FTCDNL1: variants seen among roughly 807,000 people sequenced by gnomAD.
FTCDNL1 encodes formiminotransferase N-terminal subdomain-containing protein.
FTCDNL1 carries 11 observed loss-of-function variants against 5.9 expected under a neutral mutation model. That is an observed-to-expected ratio of 1.87 (90% CI 1.18 to 3.10). The LOEUF (loss-of-function observed/expected upper bound fraction) is 3.10, where lower values mean the gene tolerates loss of function less well. Among genes scored for constraint, FTCDNL1 ranks in the 30% most tolerant of loss-of-function variants. The pLI is 0.00. For synonymous variants in FTCDNL1, 58 were observed against 24.8 expected (o/e 2.34, Z -3.99); for missense variants, 115 against 65.5 (o/e 1.76, Z -2.61).
At chr2:199,671,215 G>A in the FTCDNL1 span, among the ~76,000 whole-genome samples, 1 of 151,406 alleles carries the variant, frequency 6.6e-6, no homozygotes, top group African/African-American at 2.4e-5. Context: ...CCTAGTGAAT[G>A]AAGTCAGAAA....
the FTCDNL1 span, among the ~76,000 whole-genome samples, chr2:199,728,859 G>A: frequency 1.1e-4 from 16 of 152,290 alleles, no homozygotes; most frequent in East Asian, 2.9e-3. Flanking sequence ...GAACATCAGG[G>A]CATGATTGAT....
chr2:199,721,033 C>A, the FTCDNL1 span, among the ~76,000 whole-genome samples: 1 of 152,146 alleles, frequency 6.6e-6, no homozygotes, highest in Non-Finnish European at 1.5e-5. Context: ...CAGAGTGGGG[C>A]AAGAGAAAAG....
chr2:199,798,633 C>T (rs534020390), intron 3 of FTCDNL1, among the ~76,000 whole-genome samples: 36 of 152,234 alleles, frequency 2.4e-4, no homozygotes, highest in Admixed American at 3.9e-4. Flanking sequence ...ACCACGTGAG[C>T]GGCACAGAGA....
At chr2:199,681,995 C>T in the FTCDNL1 span, among the ~76,000 whole-genome samples, 1 of 151,990 alleles carries the variant, frequency 6.6e-6, no homozygotes, top group African/African-American at 2.4e-5. Flanking sequence ...AAGCAACACT[C>T]TTTCCAAATG....
chr2:199,803,191 C>CAAAAAAA (rs71403491), intron 3 of FTCDNL1, among the ~76,000 whole-genome samples: 2 of 70,636 alleles, frequency 2.8e-5, no homozygotes, highest in African/African-American at 6.0e-5. Flanking sequence ...AATACCGTCT[C>CAAAAAAA]AAAAAAAAAA....
At chr2:199,731,712 C>T in the FTCDNL1 span, among the ~76,000 whole-genome samples, 2 of 152,056 alleles carry the variant, frequency 1.3e-5, no homozygotes, top group South Asian at 2.1e-4. Flanking sequence ...AACGGTGAAA[C>T]CCCGTCTCTA....
At chr2:199,827,987 G>A (rs551307668) in intron 3 of FTCDNL1, among the ~76,000 whole-genome samples, 6 of 152,176 alleles carry the variant, frequency 3.9e-5, no homozygotes, top group South Asian at 4.1e-4. Context: ...CATTATTCTC[G>A]TTACAATGAA....
chr2:199,724,070 T>C, the FTCDNL1 span, among the ~76,000 whole-genome samples: 1 of 152,210 alleles, frequency 6.6e-6, no homozygotes, highest in African/African-American at 2.4e-5. Flanking sequence ...GAACTCATTA[T>C]TGGTCTATTC....
the FTCDNL1 span, among the ~76,000 whole-genome samples, chr2:199,725,961 A>G: frequency 3.3e-5 from 5 of 152,168 alleles, no homozygotes; most frequent in African/African-American, 1.2e-4. Context: ...GTGCTCCTGG[A>G]TGATATCCTG....
intron 3 of FTCDNL1, among the ~76,000 whole-genome samples, chr2:199,837,808 C>A (rs1702858298): frequency 6.6e-6 from 1 of 152,184 alleles, no homozygotes; most frequent in Admixed American, 6.5e-5. Context: ...TAGCATTTAT[C>A]TTTCCAGTTC....
chr2:199,728,559 T>C, the FTCDNL1 span, among the ~76,000 whole-genome samples: 1 of 152,162 alleles, frequency 6.6e-6, no homozygotes, highest in Non-Finnish European at 1.5e-5. Context: ...GGTAACAATG[T>C]TTCTAAGGGA....
At chr2:199,714,397 T>C in the FTCDNL1 span, among the ~76,000 whole-genome samples, 16 of 152,104 alleles carry the variant, frequency 1.1e-4, no homozygotes, top group Non-Finnish European at 1.9e-4. Flanking sequence ...CAGTCATGAA[T>C]AAAATATTAA....
At chr2:199,714,604 C>T in the FTCDNL1 span, among the ~76,000 whole-genome samples, 7 of 152,028 alleles carry the variant, frequency 4.6e-5, no homozygotes, top group Admixed American at 2.6e-4. Context: ...TCCTTCTTTC[C>T]AAATGGATGT....
At chr2:199,672,772 C>A in the FTCDNL1 span, among the ~76,000 whole-genome samples, 10,795 of 151,922 alleles carry the variant, frequency 0.071, 1,300 homozygotes, top group African/African-American at 0.25. Context: ...AACATAGCAG[C>A]CTGAGCCCCA....
At chr2:199,695,788 G>A in the FTCDNL1 span, among the ~76,000 whole-genome samples, 113 of 152,340 alleles carry the variant, frequency 7.4e-4, no homozygotes, top group African/African-American at 2.5e-3. Flanking sequence ...GAGTGCAGAA[G>A]GTTTGGTGCA....
chr2:199,728,089 G>T, the FTCDNL1 span, among the ~76,000 whole-genome samples: 537 of 152,090 alleles, frequency 3.5e-3, 3 homozygotes, highest in African/African-American at 0.012. Flanking sequence ...TTCCTTTTAG[G>T]GACAGTTCTC....
At chr2:199,814,059 G>A (rs1172307396) in intron 4 of FTCDNL1, among the ~76,000 whole-genome samples, 1 of 151,994 alleles carries the variant, frequency 6.6e-6, no homozygotes, top group Non-Finnish European at 1.5e-5. Flanking sequence ...CTTTGCTTCA[G>A]AGTAACAAAC....
chr2:199,697,900 G>T, the FTCDNL1 span, among the ~76,000 whole-genome samples: 1 of 152,118 alleles, frequency 6.6e-6, no homozygotes, highest in Non-Finnish European at 1.5e-5. Flanking sequence ...CACATTCAAT[G>T]ACACCCAAAG....
chr2:199,849,461 A>G (rs1352669099), intron 1 of FTCDNL1, among the ~76,000 whole-genome samples: 1 of 152,250 alleles, frequency 6.6e-6, no homozygotes, highest in Non-Finnish European at 1.5e-5. Flanking sequence ...AGGCCATGCC[A>G]TGGACATTAT....
Sources: allele counts gnomAD v4.1 joint callset (sites outside exome capture counted in the v4.1 genomes callset), GRCh38; gene constraint gnomAD v4.1.1; transcripts MANE v1.5; gene names NCBI Gene and HGNC (gene_info 2026-07-23, HGNC 2026-07-21).